Variants in POMZP3 observed in about 807,000 individuals in gnomAD.
POMZP3 encodes POM121 and ZP3 fusion, also known as POM121 and ZP3 fusion protein.
Under a neutral mutation model 19.8 loss-of-function variants are expected in POMZP3, and 10 were observed. That is an observed-to-expected ratio of 0.51 (90% CI 0.31 to 0.86). The LOEUF (loss-of-function observed/expected upper bound fraction) is 0.86, where lower values mean the gene tolerates loss of function less well. POMZP3 is among the 40% of genes least tolerant of loss of function. POMZP3 has a pLI of 0.04. For synonymous variants in POMZP3, 57 were observed against 85.8 expected (o/e 0.66, Z 1.85); for missense variants, 152 against 228.1 (o/e 0.67, Z 2.15).
In POMZP3 at chr7:76,625,522, C is replaced by A. The variant is rs1389238883; in HGVS notation, c.227G>T (p.Ser76Ile). ...IFLDGQENKR[S>I]CLVDGLTDAS... ...CTTAGTACTCTCCTGAGCCTGTTAC[C>A]TTCTTTTATTTTCCTGGCCATCAAG... The change falls in exon 3 of 7, where the codon AGC (serine) becomes ATC (isoleucine). Residue 76 changes from serine to isoleucine, a missense_variant and splice_region_variant. Ser to Ile is a moderately radical substitution (Grantham distance 142, BLOSUM62 -2). Transcript: ENST00000310842. 6 of 1,613,078 alleles carry A rather than the reference C, an allele frequency of 3.7e-6. No homozygotes were observed. In the Admixed American group the frequency reaches 1.0e-4, roughly 27 times the overall value.
intron 3 of POMZP3, 81 bp downstream of exon 3, chr7:76,625,441 G>T (rs1251227409): frequency 2.5e-6 from 4 of 1,597,494 alleles, no homozygotes; most frequent in South Asian, 1.1e-5. Context: ...GGTGGCCTCT[G>T]TATCTTTACG....
chr7:76,618,511 C>T (rs1371181496), intron 3 of POMZP3: 1 of 659,918 alleles, frequency 1.5e-6, no homozygotes, highest in Non-Finnish European at 2.5e-6. Context: ...AATCCACCTA[C>T]TCGGGAGGCT....
intron 3 of POMZP3, among the ~76,000 whole-genome samples, chr7:76,623,449 T>C (rs536198335): frequency 1.4e-5 from 2 of 147,760 alleles, no homozygotes; most frequent in African/African-American, 5.0e-5. Flanking sequence ...GATAGTTTCA[T>C]TCTCATTGTA....
intron 4 of POMZP3, 134 bp from the exon 5 acceptor site, chr7:76,611,947 C>G: frequency 1.3e-6 from 2 of 1,497,468 alleles, no homozygotes; most frequent in South Asian, 1.3e-5. Context: ...ACCTATAATC[C>G]CAGCACTTTG....
In POMZP3 at chr7:76,625,604, T is replaced by C. The variant is rs1175043877; in HGVS notation, c.145A>G (p.Ser49Gly). The C allele has an allele frequency of 1.9e-6, 3 of 1,613,730 alleles. No homozygotes were observed. In the South Asian group the frequency reaches 3.3e-5, roughly 18 times the overall value. Reference protein sequence around the residue: ...PDPCAKETVLSALKEKKKKRT... With the variant: ...PDPCAKETVLGALKEKKKKRT... ...TTCTTCTTCTTCTCTTTGAGGGCAC[T>C]CAGTACAGTCTCCTTTGCACATGGG... Residue 49 changes from serine to glycine, a missense_variant, in exon 3 of 7, where the codon AGT (serine) becomes GGT (glycine). By Grantham distance (56) the Ser-to-Gly change is moderately conservative. Around this residue, in one of 4 missense-constraint regions of POMZP3, gnomAD observed 70 missense variants for 64.1 expected, o/e 1.09. Coordinates refer to ENST00000310842, the MANE Select transcript of POMZP3 (RefSeq NM_012230.5).
intron 3 of POMZP3, among the ~76,000 whole-genome samples, chr7:76,625,055 CCTGGGAGG>C (rs1162204211): frequency 5.9e-4 from 86 of 146,398 alleles, no homozygotes; most frequent in African/African-American, 1.9e-3. Context: ...ATGGCATGAA[CCTGGGAGG>C]CTGAGCTTGC....
At chr7:76,620,391 AACTTTTCAGATGAATGAACGGTGAGC>A (rs1352080572) in intron 3 of POMZP3, among the ~76,000 whole-genome samples, 1 of 125,688 alleles carries the variant, frequency 8.0e-6, no homozygotes, top group Non-Finnish European at 1.7e-5. Flanking sequence ...GGTATTTGCA[AACTTTTCAGATGAATGAACGGTGAGC>A]ACACGTACCT....
chr7:76,624,409 A>T (rs1815741164), intron 3 of POMZP3, among the ~76,000 whole-genome samples: 1 of 151,476 alleles, frequency 6.6e-6, no homozygotes, highest in Non-Finnish European at 1.5e-5. Flanking sequence ...TAATTAGAAA[A>T]CTATTCCATT....
rs563927276 is a variant in POMZP3 at position 76,625,929 on chromosome 7, T to C, written c.65+71A>G. On this transcript the variant is annotated intron_variant, in intron 2 of 6. Transcript: ENST00000310842. The stretch of plus-strand genomic sequence containing the variant: ...TCTTTTTTGCGTTGTAGTCATGTTG[T>C]CATAGGAACAACTGGAGAAGAATAA... The C allele has an allele frequency of 4.3e-5, 68 of 1,599,250 alleles. No homozygotes were observed. The East Asian group carries it at 1.4e-3, about 34-fold the overall frequency.
intron 3 of POMZP3, among the ~76,000 whole-genome samples, chr7:76,621,580 C>G (rs974097596): frequency 1.6e-4 from 24 of 151,704 alleles, no homozygotes; most frequent in Admixed American, 5.9e-4. Context: ...TTAAGGCATT[C>G]TAAGTCACAG....
Position 76,626,097 on chromosome 7 carries a change from T to C in POMZP3, c.-33A>G. 6.2e-7 allele frequency: 1 copy of C among 1,613,764 alleles called. No individual in the cohort carries two copies. The highest frequency in any genetic ancestry group is 2.2e-5 in the East Asian group (1 of 44,872). On this transcript the variant is annotated 5_prime_UTR_variant, in exon 2 of 7. Transcript: ENST00000310842. ...TTGCGAGGGGACAGCACAGCCTTCT[T>C]GTGATAACCATTCCAGCACACTGTG...
Position 76,626,153 on chromosome 7 carries a change from T to C in POMZP3, c.-89A>G. 2 of 1,606,708 alleles carry C rather than the reference T, an allele frequency of 1.2e-6. No homozygotes were observed. Among genetic ancestry groups the C allele is most frequent in the Non-Finnish European group, 1.7e-6 (2 of 1,176,180 alleles). ...TACCCCCGGACAGGAATACTGGGCCTGATGGATCGGATAGCGTCTTCGAGG... is the reference window on the plus strand; with the variant it reads ...TACCCCCGGACAGGAATACTGGGCCCGATGGATCGGATAGCGTCTTCGAGG... On this transcript the variant is annotated 5_prime_UTR_variant, in exon 2 of 7. Coordinates refer to ENST00000310842, the MANE Select transcript of POMZP3 (RefSeq NM_012230.5).
chr7:76,620,766 T>C lies in POMZP3; in HGVS notation c.228-2466A>G, dbSNP rs1815508995. 2.0e-5 allele frequency among the ~76,000 whole-genome samples: 3 copies of C among 151,240 alleles called. No individual in the cohort carries two copies. In the South Asian group the frequency reaches 6.3e-4, roughly 32 times the overall value. ...TACAGGCGTGAGTCACCTGCCCAGATGGGTGAGCCCTTTCAAAACATGTTC... is the reference window on the plus strand; with the variant it reads ...TACAGGCGTGAGTCACCTGCCCAGACGGGTGAGCCCTTTCAAAACATGTTC... On this transcript the variant is annotated intron_variant, in intron 3 of 6. Transcript: ENST00000310842.
Position 76,627,132 on chromosome 7 carries a change from C to A in POMZP3, c.-576G>T. 2.1e-6 allele frequency: 3 copies of A among 1,434,672 alleles called. 1 individual carries two copies. Among genetic ancestry groups the A allele is most frequent in the South Asian group, 1.3e-5 (1 of 74,488 alleles). 88.9% of individuals were successfully genotyped at this position (1,434,672 alleles called of 1,614,324 possible). On this transcript the variant is annotated 5_prime_UTR_variant, in exon 1 of 7. Coordinates refer to ENST00000310842, the MANE Select transcript of POMZP3 (RefSeq NM_012230.5). ...GCCAGGCCAGCGCAGCCGCAGCAGG[C>A]ACGAGGTACAGTAGGAGGCCGACCA...
At chr7:76,618,639 C>T (rs1815381317) in intron 3 of POMZP3, 1 of 302,564 alleles carries the variant, frequency 3.3e-6, no homozygotes, top group Non-Finnish European at 6.4e-6. Context: ...AAAAAAGGAA[C>T]GTTCAAAATA....
chr7:76,626,326 T>C (rs1257948735), intron 1 of POMZP3, 111 bp from the exon 2 acceptor site: 1 of 1,100,392 alleles, frequency 9.1e-7, no homozygotes, highest in Non-Finnish European at 1.3e-6. Context: ...TAAGTCTCTT[T>C]CTACGCAACA....
chr7:76,625,953 A>G (rs1382985101), intron 2 of POMZP3, 47 bp downstream of exon 2: 2 of 1,608,746 alleles, frequency 1.2e-6, no homozygotes, highest in South Asian at 2.2e-5. Flanking sequence ...GGAGAAGAAT[A>G]AAGTGGACAC....
rs370747298 is a variant in POMZP3, at chr7:76,625,690, T to G, written c.66-7A>C. On this transcript the variant is annotated splice_region_variant and splice_polypyrimidine_tract_variant and intron_variant, in intron 2 of 6. Coordinates refer to ENST00000310842, the MANE Select transcript of POMZP3 (RefSeq NM_012230.5). ...GCTGATTATCTGCTCTGGTCTATAA[T>G]GAAAGACAGGATTCTAGCAGTAAGA... The G allele has an allele frequency of 2.7e-5, 44 of 1,612,150 alleles. No homozygotes were observed. In the African/African-American group the frequency reaches 5.1e-4, roughly 19 times the overall value.
At chr7:76,613,506 C>CTTTTTTTT (rs1419122666) in intron 4 of POMZP3, among the ~76,000 whole-genome samples, 1 of 77,686 alleles carries the variant, frequency 1.3e-5, no homozygotes, top group African/African-American at 6.6e-5. Flanking sequence ...GCCCCCCTAC[C>CTTTTTTTT]CTTTTTTTTT....
Sources: allele counts gnomAD v4.1 joint callset (sites outside exome capture counted in the v4.1 genomes callset), GRCh38; gene constraint gnomAD v4.1.1; regional missense constraint gnomAD v4.1.1; transcripts MANE v1.5; gene names NCBI Gene and HGNC (gene_info 2026-07-23, HGNC 2026-07-21).